The following CAPN7 variants were observed in gnomAD, a reference collection of about 807,000 sequenced individuals.
CAPN7 encodes the protein calpain 7.
A neutral mutation model predicts 115.2 loss-of-function variants in CAPN7; 72 were observed. The observed-to-expected ratio is 0.63, with a 90% CI of 0.52 to 0.76. CAPN7 has a LOEUF of 0.76. Ranked by LOEUF, CAPN7 falls within the 30% of genes least tolerant of loss-of-function variation. The pLI is 0.00. For synonymous variants in CAPN7, 344 were observed against 322.3 expected (o/e 1.07, Z -0.72); for missense variants, 905 against 971.5 (o/e 0.93, Z 0.91).
chr3:15,241,363 G>C (rs1695338111), intron 14 of CAPN7, 90 bp from the exon 15 acceptor site: 1 of 1,341,310 alleles, frequency 7.5e-7, no homozygotes, highest in African/African-American at 1.5e-5. Flanking sequence ...CCAAAAACTT[G>C]GATAGCTTAA....
In CAPN7 at chr3:15,209,695, T is replaced by C. The variant is rs1048547258; in HGVS notation, c.103-2409T>C. Among the ~76,000 whole-genome samples the C allele has an allele frequency of 3.9e-5, 6 of 152,240 alleles. 1 individual carries two copies. Among genetic ancestry groups the C allele is most frequent in the Admixed American group, 2.6e-4 (4 of 15,292 alleles). On this transcript the variant is annotated intron_variant, in intron 1 of 20. Transcript: ENST00000253693. ...GTTTAAGAGAAAAATTGTGTGTGTT[T>C]TGTGAAATAGCTTTGACAACAGGTT...
Position 15,252,910 on chromosome 3 carries a change from G to T in CAPN7, c.*1650G>T, listed in dbSNP as rs1312643598. The T allele has an allele frequency of 6.6e-6, 1 of 151,348 alleles. No individual in the cohort carries two copies. Among genetic ancestry groups the T allele is most frequent in the Non-Finnish European group, 1.5e-5 (1 of 68,018 alleles). 9.4% of individuals were successfully genotyped at this position (151,348 alleles called of 1,614,324 possible). A position where few individuals can be genotyped will look rare whatever the true frequency, so the allele number is the denominator to read the frequency against. ...CTTCCCAATAGCTGAATAAAGTATA[G>T]ATACTATTATTTGTACTTCTTACAA... On this transcript the variant is annotated 3_prime_UTR_variant, in exon 21 of 21. Transcript: ENST00000253693.
intron 2 of CAPN7, 32 bp downstream of exon 2, chr3:15,212,244 A>T: frequency 1.6e-6 from 2 of 1,258,860 alleles, no homozygotes; most frequent in Admixed American, 2.2e-5. Flanking sequence ...TTGTCACTCT[A>T]TTTTTTCTTT....
chr3:15,249,377 T>C (rs1484709558), intron 19 of CAPN7, among the ~76,000 whole-genome samples: 1 of 152,192 alleles, frequency 6.6e-6, no homozygotes, highest in Non-Finnish European at 1.5e-5. Context: ...TTCACATATT[T>C]GTGGATATTT....
intron 6 of CAPN7, among the ~76,000 whole-genome samples, chr3:15,223,793 A>G (rs892026576): frequency 1.3e-5 from 2 of 152,236 alleles, no homozygotes; most frequent in African/African-American, 4.8e-5. Context: ...TGTCTAGCAC[A>G]GTACCTGGTG....
In CAPN7 at chr3:15,217,445, C is replaced by G. The variant is rs768004805; in HGVS notation, c.232C>G (p.Pro78Ala). The G allele has an allele frequency of 3.1e-6, 5 of 1,612,364 alleles. No homozygotes were observed. Among genetic ancestry groups the G allele is most frequent in the Non-Finnish European group, 4.2e-6 (5 of 1,179,290 alleles). ...HSAVQSKSAD[P>A]LKSKHQLDLE... is the part of the protein sequence containing the mutation. ...CCTAGTTCAGTCAAAGAGTGCTGAT[C>G]CTTTGAAGTCAAAACATCAGTTGGA... Residue 78 changes from proline to alanine, a missense_variant, in exon 3 of 21, where the codon CCT (proline) becomes GCT (alanine). Physicochemically the swap from Pro to Ala is conservative, Grantham distance 27 (BLOSUM62 -1). Coordinates refer to ENST00000253693, the MANE Select transcript of CAPN7 (RefSeq NM_014296.3).
At chr3:15,215,005 T>G (rs888092387) in intron 2 of CAPN7, among the ~76,000 whole-genome samples, 2 of 152,176 alleles carry the variant, frequency 1.3e-5, no homozygotes, top group African/African-American at 2.4e-5. Flanking sequence ...CAGCCCAAAA[T>G]GTCAATAATG....
At chr3:15,221,477 G>C (rs1693984646) in intron 5 of CAPN7, among the ~76,000 whole-genome samples, 1 of 151,380 alleles carries the variant, frequency 6.6e-6, no homozygotes, top group Non-Finnish European at 1.5e-5. Flanking sequence ...ACAGGCATGA[G>C]CCACTGTGCC....
At chr3:15,227,620 C>A (rs924097138) in intron 6 of CAPN7, among the ~76,000 whole-genome samples, 1 of 151,644 alleles carries the variant, frequency 6.6e-6, no homozygotes, top group Non-Finnish European at 1.5e-5. Context: ...TTAAGTTGTT[C>A]TTCTGTTTTC....
rs1291709386 is a variant in CAPN7 at position 15,252,587 on chromosome 3, C to T, written c.*1327C>T. On this transcript the variant is annotated 3_prime_UTR_variant, in exon 21 of 21. Transcript: ENST00000253693. The stretch of plus-strand genomic sequence containing the variant: ...TATATTATGAACACATGATTTGAAC[C>T]TGTTGTGGTAAAGATCTTGTACAGG... The T allele has an allele frequency of 6.6e-6, 1 of 152,176 alleles. No individual in the cohort carries two copies. Among genetic ancestry groups the T allele is most frequent in the Non-Finnish European group, 1.5e-5 (1 of 68,000 alleles). The allele number at this position is 152,176 out of a possible 1,614,324, so 9.4% of individuals were successfully genotyped here. A position where few individuals can be genotyped will look rare whatever the true frequency, so the allele number is the denominator to read the frequency against.
rs748247620 is a variant in CAPN7 at position 15,247,399 on chromosome 3, A to G, written c.2146A>G (p.Ile716Val). ...CCAAGAGACTCACAAAAATAACCCC[A>G]TCTACCAATTCCATATAGAAAAGAC... ...NFQETHKNNP[I>V]YQFHIEKTGP... The change falls in exon 19 of 21, where the codon ATC (isoleucine) becomes GTC (valine). Residue 716 changes from isoleucine (I) to valine (V), a missense_variant. Physicochemically the swap from Ile to Val is conservative, Grantham distance 29. Transcript: ENST00000253693. 3 of 1,612,138 alleles carry G rather than the reference A, an allele frequency of 1.9e-6. No homozygotes were observed. The highest frequency in any genetic ancestry group is 2.5e-6 in the Non-Finnish European group (3 of 1,178,960).
chr3:15,227,741 T>C, intron 6 of CAPN7, 98 bp from the exon 7 acceptor site: 1 of 702,478 alleles, frequency 1.4e-6, no homozygotes, highest in Non-Finnish European at 2.1e-6. Flanking sequence ...ACTGCTATAA[T>C]CACTAGACCA....
intron 16 of CAPN7, among the ~76,000 whole-genome samples, chr3:15,243,568 G>A (rs1359075246): frequency 3.3e-5 from 5 of 152,072 alleles, no homozygotes; most frequent in Non-Finnish European, 7.4e-5. Flanking sequence ...AGAGGAAAAA[G>A]GTACCACAAA....
chr3:15,223,443 G>C (rs1694120408), intron 5 of CAPN7, 32 bp from the exon 6 acceptor site: 1 of 1,354,344 alleles, frequency 7.4e-7, no homozygotes, highest in South Asian at 1.2e-5. Context: ...AGGTAAACTT[G>C]AACATTTAGG....
Position 15,206,612 on chromosome 3 carries a change from G to T in CAPN7, c.102+15G>T, listed in dbSNP as rs1255306506. 1 of 1,534,458 alleles carries T rather than the reference G, an allele frequency of 6.5e-7. No individual in the cohort carries two copies. Among genetic ancestry groups the T allele is most frequent in the South Asian group, 1.2e-5 (1 of 82,652 alleles). On this transcript the variant is annotated intron_variant, in intron 1 of 20. Transcript: ENST00000253693. ...TTTATTACAAGGTAGGGCCGGGCCC[G>T]GCGCTTCGGTCGGAGTTGCTCAGTC...
chr3:15,227,671 G>A (rs1236833907), intron 6 of CAPN7, among the ~76,000 whole-genome samples, 168 bp from the exon 7 acceptor site: 1 of 151,814 alleles, frequency 6.6e-6, no homozygotes, highest in African/African-American at 2.4e-5. Context: ...GGATGATCAG[G>A]TTGACTGGAC....
At chr3:15,250,294 G>A (rs561372601) in intron 19 of CAPN7, among the ~76,000 whole-genome samples, 2 of 152,054 alleles carry the variant, frequency 1.3e-5, no homozygotes, top group South Asian at 2.1e-4. Context: ...GGAGAATCCC[G>A]AGTCCAGGAG....
chr3:15,214,131 C>T (rs851847), intron 2 of CAPN7, among the ~76,000 whole-genome samples: 13 of 152,238 alleles, frequency 8.5e-5, no homozygotes, highest in African/African-American at 2.9e-4. Flanking sequence ...CCACCCGCCT[C>T]GGCCTCCCAA....
intron 6 of CAPN7, among the ~76,000 whole-genome samples, chr3:15,227,007 C>T (rs375872851): frequency 1.3e-5 from 2 of 151,120 alleles, no homozygotes; most frequent in Admixed American, 1.3e-4. Context: ...TACCAGCACT[C>T]TGGTATTTAC....
Sources: allele counts gnomAD v4.1 joint callset (sites outside exome capture counted in the v4.1 genomes callset), GRCh38; gene constraint gnomAD v4.1.1; transcripts MANE v1.5; gene names NCBI Gene and HGNC (gene_info 2026-07-23, HGNC 2026-07-21).